ETFA: variants seen among roughly 807,000 people sequenced by gnomAD.
ETFA encodes the protein electron transfer flavoprotein subunit alpha.
In ETFA, 22 loss-of-function variants were observed where a neutral mutation model predicts 46.2. That is an observed-to-expected ratio of 0.48 (90% CI 0.34 to 0.68). The LOEUF (loss-of-function observed/expected upper bound fraction) is 0.68. ETFA is among the 30% of genes least tolerant of loss of function. The probability of loss-of-function intolerance (pLI) is 0.01; values close to 1 mark genes in which losing one functional copy is unlikely to be tolerated. For missense variants in ETFA, 345 were observed against 401.1 expected, an observed-to-expected ratio of 0.86 and a Z score of 1.19; for synonymous variants, 131 against 139.9, an observed-to-expected ratio of 0.94 and a Z score of 0.45.
intron 9 of ETFA, among the ~76,000 whole-genome samples, chr15:76,262,800 A>C (rs901040942): frequency 6.6e-6 from 1 of 152,084 alleles, no homozygotes; most frequent in African/African-American, 2.4e-5. Flanking sequence ...CAAACTTCTA[A>C]AGATCTACGA....
At chr15:76,218,243 C>CT (rs756563879) in intron 11 of ETFA, among the ~76,000 whole-genome samples, 123 of 152,304 alleles carry the variant, frequency 8.1e-4, no homozygotes, top group Non-Finnish European at 1.3e-3. Context: ...TATCATCTGT[C>CT]TTTTTTTATT....
In ETFA at chr15:76,295,583, T is replaced by C; in HGVS notation, c.186+8A>G. ...TATTTGCTATGGCTGACCTTAAAAA[T>C]TTCTCACCTTGTCACATTTGGTTCC... is the stretch of plus-strand genomic sequence containing the variant. On this transcript the variant is annotated splice_region_variant and intron_variant, in intron 2 of 11. Transcript: ENST00000557943. The C allele has an allele frequency of 6.2e-7, 1 of 1,612,436 alleles. No homozygotes were observed. The highest frequency in any genetic ancestry group is 1.7e-5 in the Admixed American group (1 of 59,998).
chr15:76,251,540 A>G (rs2039297748), intron 9 of ETFA, among the ~76,000 whole-genome samples: 1 of 152,228 alleles, frequency 6.6e-6, no homozygotes, highest in African/African-American at 2.4e-5. Context: ...ATCTGGGGCT[A>G]TGCAATTCAA....
At chr15:76,288,917 CTTCT>C (rs2039728399) in intron 4 of ETFA, among the ~76,000 whole-genome samples, 1 of 14,318 alleles carries the variant, frequency 7.0e-5, no homozygotes, top group Admixed American at 1.4e-3. Flanking sequence ...TCTTCTTCTT[CTTCT>C]TTTTTTTTTT....
chr15:76,296,558 C>T (rs2039825983), intron 1 of ETFA, among the ~76,000 whole-genome samples: 1 of 152,088 alleles, frequency 6.6e-6, no homozygotes, highest in South Asian at 2.1e-4. Context: ...GCATTCAATA[C>T]CAAAATAATT....
rs779161256 is a variant in ETFA at position 76,287,870 on chromosome 15, T to A, written c.427A>T (p.Thr143Ser). 2 of 1,612,984 alleles carry A rather than the reference T, an allele frequency of 1.2e-6. No individual in the cohort carries two copies. The highest frequency in any genetic ancestry group is 1.7e-6 in the Non-Finnish European group (2 of 1,178,958). Residue 143 changes from threonine to serine, a missense_variant, in exon 5 of 12, where the codon ACA becomes TCA. Transcript: ENST00000557943. ...SDIIAIKSPD[T>S]FVRTIYAGNA... ...CCTGCATAAATAGTTCTCACAAATG[T>A]GTCAGGTGACTTGATTGCAATGATG... is the stretch of plus-strand genomic sequence containing the variant.
chr15:76,240,352 A>C (rs1322511862), intron 9 of ETFA, among the ~76,000 whole-genome samples: 4 of 152,228 alleles, frequency 2.6e-5, no homozygotes, highest in Non-Finnish European at 5.9e-5. Flanking sequence ...ATTCAAATTC[A>C]TTCTTAGATA....
chr15:76,263,425 A>G (rs1447997321), intron 9 of ETFA, among the ~76,000 whole-genome samples: 1 of 152,242 alleles, frequency 6.6e-6, no homozygotes, highest in Non-Finnish European at 1.5e-5. Flanking sequence ...GGGACGACTG[A>G]AAGAAGCTCG....
chr15:76,221,063 G>T (rs1028130305), intron 11 of ETFA, among the ~76,000 whole-genome samples: 2 of 152,050 alleles, frequency 1.3e-5, no homozygotes, highest in Non-Finnish European at 2.9e-5. Flanking sequence ...TAGCCAAAAA[G>T]GGGAAAAACC....
At chr15:76,229,061 A>C (rs1267597879) in intron 10 of ETFA, 1 of 152,254 alleles carries the variant, frequency 6.6e-6, no homozygotes, top group South Asian at 2.1e-4. Context: ...ACTGTGTATT[A>C]GTTCAGAAAG....
intron 9 of ETFA, among the ~76,000 whole-genome samples, chr15:76,264,712 A>T (rs910496355): frequency 6.6e-6 from 1 of 152,226 alleles, no homozygotes; most frequent in Non-Finnish European, 1.5e-5. Context: ...AAGGCTTGTG[A>T]TGGCATTGGA....
intron 9 of ETFA, among the ~76,000 whole-genome samples, chr15:76,252,918 A>G (rs1286503426): frequency 7.8e-6 from 1 of 127,758 alleles, no homozygotes; most frequent in African/African-American, 3.1e-5. Context: ...TTTTTTTTTT[A>G]AAGAGATGGG....
intron 9 of ETFA, among the ~76,000 whole-genome samples, chr15:76,234,060 C>A (rs2039097704): frequency 6.6e-6 from 1 of 152,136 alleles, no homozygotes; most frequent in Non-Finnish European, 1.5e-5. Context: ...GATTCTGGGC[C>A]AAAACAAACT....
chr15:76,232,883 A>T (rs1050822059), intron 9 of ETFA, among the ~76,000 whole-genome samples: 1 of 152,220 alleles, frequency 6.6e-6, no homozygotes, highest in Admixed American at 6.5e-5. Flanking sequence ...CCTGAATCTG[A>T]CAACTGTCTA....
At chr15:76,302,248 T>C (rs754059727) in intron 1 of ETFA, among the ~76,000 whole-genome samples, 1 of 152,212 alleles carries the variant, frequency 6.6e-6, no homozygotes, top group Non-Finnish European at 1.5e-5. Flanking sequence ...AGCAGGTTTA[T>C]TCATAACTGC....
intron 2 of ETFA, among the ~76,000 whole-genome samples, chr15:76,295,206 A>G (rs1296872373): frequency 6.6e-6 from 1 of 152,234 alleles, no homozygotes; most frequent in East Asian, 1.9e-4. Context: ...TACCAATTAA[A>G]AATTAACATC....
At chr15:76,284,203 T>C (rs1467937390) in intron 7 of ETFA, among the ~76,000 whole-genome samples, 1 of 152,186 alleles carries the variant, frequency 6.6e-6, no homozygotes, top group Non-Finnish European at 1.5e-5. Context: ...TGAATGGGAG[T>C]CATCTCAAGG....
At chr15:76,295,530 A>T in intron 2 of ETFA, 61 bp downstream of exon 2, 1 of 1,436,274 alleles carries the variant, frequency 7.0e-7, no homozygotes, top group Non-Finnish European at 9.8e-7. Flanking sequence ...CTCTGTTGCC[A>T]TCTTTTCCTG....
At chr15:76,291,446 G>A (rs1280096496) in intron 4 of ETFA, among the ~76,000 whole-genome samples, 48 of 93,412 alleles carry the variant, frequency 5.1e-4, no homozygotes, top group Admixed American at 7.7e-4. Context: ...ACTCCATCTC[G>A]AAAAAAAAAA....
Sources: gnomAD v4.1 joint callset for allele counts (sites outside exome capture counted in the v4.1 genomes callset) on GRCh38, gnomAD v4.1.1 for gene constraint, MANE v1.5 for transcripts, NCBI Gene and HGNC (gene_info 2026-07-23, HGNC 2026-07-21) for gene names.